Variants in CRX observed in about 807,000 individuals in gnomAD.
CRX encodes cone-rod homeobox.
CRX carries 5 observed loss-of-function variants against 13.1 expected under a neutral mutation model. That is an observed-to-expected ratio of 0.38 (90% CI 0.20 to 0.80). The LOEUF is 0.80. Ranked by LOEUF, CRX falls within the 30% of genes least tolerant of loss-of-function variation. The probability of loss-of-function intolerance (pLI) is 0.43; values close to 1 mark genes in which losing one functional copy is unlikely to be tolerated. For synonymous variants in CRX, 179 were observed against 171.1 expected, an observed-to-expected ratio of 1.05 and a Z score of -0.36; for missense variants, 351 against 391.8, an observed-to-expected ratio of 0.90 and a Z score of 0.88.
chr19:47,830,655 G>C (rs1303209111), intron 1 of CRX, among the ~76,000 whole-genome samples: 1 of 152,118 alleles, frequency 6.6e-6, no homozygotes, highest in Admixed American at 6.6e-5. Flanking sequence ...AATTAGCTGG[G>C]TGTGGTGGCT....
rs146699567 is a variant in CRX at position 47,839,999 on chromosome 19, C to T, written c.*32C>T. On this transcript the variant is annotated 3_prime_UTR_variant, in exon 4 of 4. Coordinates refer to ENST00000221996, the MANE Select transcript of CRX (RefSeq NM_000554.6). The surrounding 1 kb of genome is among the most constrained non-coding windows in gnomAD (Gnocchi z 4.6). ...CAGTCTCCATCTCTCTCCATCGGGC[C>T]TCGGGACCCTTTCTCTTCTGAATCT... 551 of 1,608,654 alleles carry T rather than the reference C, an allele frequency of 3.4e-4. 1 individual carries two copies. In the African/African-American group the frequency reaches 6.8e-3, roughly 20 times the overall value.
Position 47,823,649 on chromosome 19 carries a change from G to GTTTT in CRX, c.-36+1654_-36+1657dup, listed in dbSNP as rs58548004. ...GCTGGCATGAAGCCACATGAGTCTG[G>GTTTT]TTTTTTTTTTTTTTTTTTGAGACGG... On this transcript the variant is annotated intron_variant, in intron 1 of 3. Coordinates refer to ENST00000221996, the MANE Select transcript of CRX (RefSeq NM_000554.6). Among the ~76,000 whole-genome samples, 216 of 129,544 alleles carry GTTTT rather than the reference G, an allele frequency of 1.7e-3. 7 individuals are homozygous for GTTTT. The highest frequency in any genetic ancestry group is 6.0e-3 in the African/African-American group (198 of 33,082). The allele number at this position is 129,544 out of a possible 152,430, so 85.0% of individuals were successfully genotyped here.
rs201875881 is a variant in CRX, at chr19:47,839,904, C to T, written c.837C>T (p.Thr279=). The T allele has an allele frequency of 6.2e-7, 1 of 1,614,116 alleles. No homozygotes were observed. The highest frequency in any genetic ancestry group is 8.5e-7 in the Non-Finnish European group (1 of 1,180,046). ...ACCCCACGGGCACCTGGAAATTCAC[C>T]TACAATCCCATGGACCCTCTGGACT... ...FKDPTGTWKF[T]YNPMDPLDYK... The change falls in exon 4 of 4, where the codon ACC becomes ACT. Residue 279 remains threonine, a synonymous_variant. Coordinates refer to ENST00000221996, the MANE Select transcript of CRX (RefSeq NM_000554.6). The surrounding 1 kb of genome is among the most constrained non-coding windows in gnomAD (Gnocchi z 4.6).
intron 3 of CRX, among the ~76,000 whole-genome samples, chr19:47,838,523 T>C (rs1968146816): frequency 6.6e-6 from 1 of 152,116 alleles, no homozygotes; most frequent in Non-Finnish European, 1.5e-5. Context: ...ATATGTATGA[T>C]CAGATGGCTC....
intron 2 of CRX, among the ~76,000 whole-genome samples, chr19:47,834,980 C>CG (rs869148025): frequency 2.0e-5 from 3 of 149,438 alleles, no homozygotes; most frequent in South Asian, 2.1e-4. Context: ...TGCCTAGGCC[C>CG]GGGGGGCACT....
At chr19:47,823,323 C>T (rs1368163328) in intron 1 of CRX, among the ~76,000 whole-genome samples, 3 of 152,160 alleles carry the variant, frequency 2.0e-5, no homozygotes, top group Non-Finnish European at 4.4e-5. Flanking sequence ...GCGGTTTTCC[C>T]AAAAGGAACG....
rs7248427 is a variant in CRX at position 47,842,904 on chromosome 19, T to C, written c.*2937T>C. 0.35 allele frequency: 53,585 copies of C among 152,040 alleles called. 9,836 individuals carry two copies. The highest frequency in any genetic ancestry group is 0.4 in the Non-Finnish European group (27,224 of 68,034). The allele number at this position is 152,040 out of a possible 1,614,324, so 9.4% of individuals were successfully genotyped here. On this transcript the variant is annotated 3_prime_UTR_variant, in exon 4 of 4. Coordinates refer to ENST00000221996, the MANE Select transcript of CRX (RefSeq NM_000554.6). Reference sequence around the variant, plus strand: ...CAAGTCATAGAAACTTGATGGGAGTTGGGGAGGGACTGAAGGATGCATGCA... The same window carrying C: ...CAAGTCATAGAAACTTGATGGGAGTCGGGGAGGGACTGAAGGATGCATGCA...
intron 1 of CRX, among the ~76,000 whole-genome samples, chr19:47,824,839 CT>C (rs1268729581): frequency 6.6e-6 from 1 of 152,042 alleles, no homozygotes; most frequent in African/African-American, 2.4e-5. Context: ...TGTTCCACCC[CT>C]TGAAATCATA....
rs772023399 is a variant in CRX at position 47,839,475 on chromosome 19, G to A, written c.408G>A (p.Leu136=). Residue 136 remains leucine (L), a synonymous_variant, in exon 4 of 4, where the codon CTG becomes CTA. Transcript: ENST00000221996. The surrounding 1 kb of genome is among the most constrained non-coding windows in gnomAD (Gnocchi z 4.6). ...RPSTDVCPDP[L]GISDSYSPPL... is the part of the protein sequence containing the mutation. ...CCACAGATGTGTGTCCAGACCCTCT[G>A]GGCATCTCAGATTCCTACAGTCCCC... 1.2e-6 allele frequency: 2 copies of A among 1,613,996 alleles called. No individual in the cohort carries two copies. Among genetic ancestry groups the A allele is most frequent in the South Asian group, 2.2e-5 (2 of 91,088 alleles).
intron 3 of CRX, among the ~76,000 whole-genome samples, chr19:47,838,256 T>C (rs1045285608): frequency 6.6e-6 from 1 of 152,130 alleles, no homozygotes; most frequent in Admixed American, 6.5e-5. Flanking sequence ...TGTATGTATG[T>C]TTGCATTAGA....
At chr19:47,828,964 T>C (rs775645711) in intron 1 of CRX, among the ~76,000 whole-genome samples, 23 of 150,296 alleles carry the variant, frequency 1.5e-4, no homozygotes, top group Non-Finnish European at 2.4e-4. Context: ...ATCCAAACTA[T>C]AGAGACAAGA....
chr19:47,839,700 G>A lies in CRX; in HGVS notation c.633G>A (p.Pro211=), dbSNP rs528030194. The change falls in exon 4 of 4, where the codon CCG becomes CCA. Residue 211 remains proline, a synonymous_variant. Coordinates refer to ENST00000221996, the MANE Select transcript of CRX (RefSeq NM_000554.6). This position sits in a 1 kb window ranked among gnomAD's most constrained non-coding sequence, Gnocchi z 4.6. The stretch of plus-strand genomic sequence containing the variant: ...CTTCCCCCTCCGCCTATGGGTCTCC[G>A]AGCTCCTATTTCAGCGGCCTAGACC... ...FCSSPSAYGS[P]SSYFSGLDPY... 5 of 1,613,864 alleles carry A rather than the reference G, an allele frequency of 3.1e-6. No individual in the cohort carries two copies. The highest frequency in any genetic ancestry group is 1.7e-5 in the Admixed American group (1 of 59,990).
In CRX at chr19:47,836,338, G is replaced by A. The variant is rs61748438; in HGVS notation, c.196G>A (p.Val66Ile). The change falls in exon 3 of 4, where the codon GTC (valine) becomes ATC (isoleucine). Residue 66 changes from valine (V) to isoleucine (I), a missense_variant. By Grantham distance (29) the Val-to-Ile change is conservative (BLOSUM62 3). This residue lies in a region of CRX where 95 missense variants were observed against 106.7 expected (regional missense o/e 0.89). Coordinates refer to ENST00000221996, the MANE Select transcript of CRX (RefSeq NM_000554.6). ...ALFAKTQYPD[V>I]YAREEVALKI... ...GTTTGCCAAGACCCAGTACCCAGAC[G>A]TCTATGCCCGTGAGGAGGTGGCTCT... 5,577 of 1,614,198 alleles carry A rather than the reference G, an allele frequency of 3.5e-3. 24 individuals are homozygous for A. Among genetic ancestry groups the A allele is most frequent in the South Asian group, 7.6e-3 (695 of 91,088 alleles).
At chr19:47,824,277 C>T (rs1000398136) in intron 1 of CRX, among the ~76,000 whole-genome samples, 8 of 152,192 alleles carry the variant, frequency 5.3e-5, no homozygotes, top group Admixed American at 1.3e-4. Flanking sequence ...CCTCAGTTTC[C>T]TCCTCTGAGA....
At chr19:47,827,164 AG>A (rs1296620816) in intron 1 of CRX, among the ~76,000 whole-genome samples, 10 of 152,090 alleles carry the variant, frequency 6.6e-5, no homozygotes, top group African/African-American at 2.2e-4. Context: ...GTTACCTTGG[AG>A]GCAGTTTGAT....
At chr19:47,830,569 C>T (rs767251689) in intron 1 of CRX, among the ~76,000 whole-genome samples, 2 of 151,682 alleles carry the variant, frequency 1.3e-5, no homozygotes, top group Non-Finnish European at 2.9e-5. Flanking sequence ...GGCGTGGTGG[C>T]GGGTGCCTGA....
intron 1 of CRX, among the ~76,000 whole-genome samples, chr19:47,822,605 C>T (rs1967925663): frequency 6.6e-6 from 1 of 152,154 alleles, no homozygotes; most frequent in Non-Finnish European, 1.5e-5. Flanking sequence ...TGGACTTGGG[C>T]CTGCCCGAGA....
intron 1 of CRX, among the ~76,000 whole-genome samples, chr19:47,831,998 C>G (rs944031796): frequency 4.0e-5 from 6 of 150,452 alleles, no homozygotes; most frequent in Admixed American, 3.3e-4. Flanking sequence ...TTTGGCCTCC[C>G]AAAGTGCTGG....
rs1370034867 is a variant in CRX at position 47,841,341 on chromosome 19, T to G, written c.*1374T>G. On this transcript the variant is annotated 3_prime_UTR_variant, in exon 4 of 4. Transcript: ENST00000221996. ...TTTGGTAGGGAAATGAAAGGCACCT[T>G]GCCTGTTCCATCTCTACTCCTTTTT... 6.6e-6 allele frequency: 1 copy of G among 152,208 alleles called. No homozygotes were observed. Among genetic ancestry groups the G allele is most frequent in the African/African-American group, 2.4e-5 (1 of 41,460 alleles). 9.4% of individuals were successfully genotyped at this position (152,208 alleles called of 1,614,324 possible).
Sources: allele counts gnomAD v4.1 joint callset (sites outside exome capture counted in the v4.1 genomes callset), GRCh38; gene constraint gnomAD v4.1.1; regional missense constraint gnomAD v4.1.1; non-coding constraint Gnocchi (gnomAD v3.1); transcripts MANE v1.5; gene names NCBI Gene and HGNC (gene_info 2026-07-23, HGNC 2026-07-21).